The following FRMD1 variants were observed in gnomAD, a reference collection of about 807,000 sequenced individuals.
FRMD1 encodes the protein FERM domain-containing protein 1.
A neutral mutation model predicts 54.9 loss-of-function variants in FRMD1; 51 were observed. That is an observed-to-expected ratio of 0.93 (90% confidence interval 0.74 to 1.17). The LOEUF is 1.17. Ranked by LOEUF, FRMD1 falls within the 50% of genes most tolerant of loss-of-function variation. The probability of loss-of-function intolerance (pLI) is 0.00; values close to 1 mark genes in which losing one functional copy is unlikely to be tolerated. For missense variants in FRMD1, 729 were observed against 743.0 expected, an observed-to-expected ratio of 0.98 and a Z score of 0.22; for synonymous variants, 324 against 306.4, an observed-to-expected ratio of 1.06 and a Z score of -0.60.
upstream of FRMD1, among the ~76,000 whole-genome samples, chr6:168,079,865 G>A (rs1038400651): frequency 6.6e-6 from 1 of 152,222 alleles, no homozygotes; most frequent in African/African-American, 2.4e-5. Context: ...CCCTGAGGCC[G>A]CTCAGCAGAG....
intron 1 of FRMD1, among the ~76,000 whole-genome samples, chr6:168,076,639 C>A (rs896449995): frequency 3.3e-5 from 5 of 152,234 alleles, no homozygotes; most frequent in African/African-American, 9.6e-5. Context: ...GAGGCCTCCC[C>A]AGCCATGTGG....
intron 1 of FRMD1, among the ~76,000 whole-genome samples, chr6:168,092,800 ACCT>A (rs1210549308): frequency 1.3e-5 from 2 of 152,098 alleles, no homozygotes; most frequent in African/African-American, 4.8e-5. Context: ...CACCAGGGTG[ACCT>A]CTGCGGCAGC....
At chr6:168,064,391 A>G (rs1562413719) in intron 5 of FRMD1, among the ~76,000 whole-genome samples, 1 of 152,196 alleles carries the variant, frequency 6.6e-6, no homozygotes, top group Non-Finnish European at 1.5e-5. Context: ...GGGACTGGGC[A>G]CACAGTGGTA....
In FRMD1 at chr6:168,059,153, TG is replaced by T; in HGVS notation, c.1377del (p.Arg460GlufsTer14). On this transcript the variant is annotated frameshift_variant, in exon 10 of 11. Transcript: ENST00000283309. LOFTEE classifies it low-confidence loss of function (END_TRUNC). The surrounding 1 kb of genome is among the most constrained non-coding windows in gnomAD (Gnocchi z 4.4). The stretch of plus-strand genomic sequence containing the variant: ...TGCACGGCCTCGGCGCTCTGGCCTC[TG>T]GTCCTGACCTGGGTGCAGGGCTCCT... ...TRQEPCTQVR[T>X]RGQSAEAVHQ... 1 of 1,586,200 alleles carries T rather than the reference TG, an allele frequency of 6.3e-7. No individual in the cohort carries two copies.
chr6:168,081,505 C>A (rs1031836923), upstream of FRMD1: 14 of 1,532,114 alleles, frequency 9.1e-6, no homozygotes, highest in Non-Finnish European at 1.0e-5. Context: ...CTCCTCGGCC[C>A]AACTCTCTCT....
At chr6:168,078,786 GGCCACCCAGGGCCCTGCTCACCCCC>G (rs1800724006) in intron 1 of FRMD1, 71 bp downstream of exon 1, 1 of 80,012 alleles carries the variant, frequency 1.2e-5, no homozygotes, top group African/African-American at 2.4e-4. Context: ...TCACCCCCAC[GGCCACCCAGGGCCCTGCTCACCCCC>G]ACGGCCACCC....
chr6:168,075,127 A>T, intron 2 of FRMD1, 118 bp downstream of exon 2: 1 of 804,012 alleles, frequency 1.2e-6, no homozygotes, highest in Non-Finnish European at 2.1e-6. Context: ...GCATGTGTAC[A>T]TATGAGAGTG....
chr6:168,069,865 G>A (rs569480315), intron 2 of FRMD1, among the ~76,000 whole-genome samples: 5 of 152,274 alleles, frequency 3.3e-5, no homozygotes, highest in South Asian at 2.1e-4. Context: ...TTCTTAGCCC[G>A]GCCACAGTGC....
At position 168,055,034 on chromosome 6, in the gene FRMD1, G is replaced by A. The variant is rs1303472578; in HGVS notation, c.*2063C>T. On this transcript the variant is annotated 3_prime_UTR_variant, in exon 11 of 11. Transcript: ENST00000283309. ...AGAGTCTTTGGAGCAGCCCTACCCG[G>A]TAGTTAACAGGCATCTGGCATAATT... is the stretch of plus-strand genomic sequence containing the variant. 1 of 152,264 alleles carries A rather than the reference G, an allele frequency of 6.6e-6. No individual in the cohort carries two copies. Among genetic ancestry groups the A allele is most frequent in the Non-Finnish European group, 1.5e-5 (1 of 68,092 alleles). 9.4% of individuals were successfully genotyped at this position (152,264 alleles called of 1,614,324 possible).
At chr6:168,091,391 C>G (rs1461424162) in intron 1 of FRMD1, among the ~76,000 whole-genome samples, 1 of 152,194 alleles carries the variant, frequency 6.6e-6, no homozygotes, top group African/African-American at 2.4e-5. Context: ...TGTCACTGCC[C>G]AGAGCCATCT....
At chr6:168,089,945 C>A (rs1426507075) in intron 1 of FRMD1, among the ~76,000 whole-genome samples, 1 of 152,192 alleles carries the variant, frequency 6.6e-6, no homozygotes, top group Non-Finnish European at 1.5e-5. Context: ...GCCCTCCTCG[C>A]CGGCAGGAAA....
intron 1 of FRMD1, among the ~76,000 whole-genome samples, chr6:168,087,075 T>C (rs534803579): frequency 6.6e-6 from 1 of 152,256 alleles, no homozygotes; most frequent in African/African-American, 2.4e-5. Flanking sequence ...TTTCACTTTT[T>C]TTTTTTTCTT....
intron 1 of FRMD1, among the ~76,000 whole-genome samples, chr6:168,076,264 A>G (rs1255906665): frequency 6.6e-6 from 1 of 152,260 alleles, no homozygotes; most frequent in East Asian, 1.9e-4. Flanking sequence ...GGGCAGCTGG[A>G]TCTGCAGGAG....
intron 2 of FRMD1, among the ~76,000 whole-genome samples, chr6:168,070,648 A>G (rs367595647): frequency 6.6e-6 from 1 of 152,212 alleles, no homozygotes; most frequent in East Asian, 1.9e-4. Context: ...CTTTACAATA[A>G]ATCAGCTTCT....
upstream of FRMD1, among the ~76,000 whole-genome samples, chr6:168,079,447 C>T (rs540190105): frequency 6.6e-6 from 1 of 152,346 alleles, no homozygotes; most frequent in East Asian, 1.9e-4. Context: ...CCCCTATCTC[C>T]TCAGGGTGCC....
In FRMD1 at chr6:168,063,770, CG is replaced by C; in HGVS notation, c.649-15del. On this transcript the variant is annotated splice_polypyrimidine_tract_variant and intron_variant, in intron 5 of 10. Transcript: ENST00000283309. Reference sequence around the variant, plus strand: ...CTTGGTGATGATCTGAGGACAGAGCCGGGAGGTCAGCTCAGACCCCTGCTGG... The same window carrying C: ...CTTGGTGATGATCTGAGGACAGAGCCGGAGGTCAGCTCAGACCCCTGCTGG... The C allele has an allele frequency of 1.2e-6, 2 of 1,604,554 alleles. No homozygotes were observed. The highest frequency in any genetic ancestry group is 1.7e-6 in the Non-Finnish European group (2 of 1,175,198).
At chr6:168,058,069 G>C (rs1382610919) in intron 10 of FRMD1, among the ~76,000 whole-genome samples, 2 of 152,264 alleles carry the variant, frequency 1.3e-5, no homozygotes, top group African/African-American at 2.4e-5. Flanking sequence ...GCTGACCTGG[G>C]TTTGGGATTG....
chr6:168,082,399 C>T (rs78126759), upstream of FRMD1, among the ~76,000 whole-genome samples: 121 of 152,324 alleles, frequency 7.9e-4, no homozygotes, highest in East Asian at 0.022. Context: ...GCCACCCGAC[C>T]CCTCCTGGCT....
upstream of FRMD1, chr6:168,081,405 C>T (rs1264836521): frequency 1.6e-5 from 25 of 1,535,446 alleles, no homozygotes; most frequent in East Asian, 4.9e-5. Context: ...CTGCCACGTT[C>T]GTGATGTCAG....
Sources: gnomAD v4.1 joint callset for allele counts (sites outside exome capture counted in the v4.1 genomes callset) on GRCh38, gnomAD v4.1.1 for gene constraint, Gnocchi (gnomAD v3.1) non-coding constraint, MANE v1.5 for transcripts, NCBI Gene and HGNC (gene_info 2026-07-23, HGNC 2026-07-21) for gene names.